Variants in UGT2B28 observed in about 807,000 individuals in gnomAD.
UGT2B28 encodes UDP-glucuronosyltransferase 2B28.
UGT2B28 carries 45 observed loss-of-function variants against 43.6 expected under a neutral mutation model. That is an observed-to-expected ratio of 1.03 (90% CI 0.81 to 1.32). The LOEUF is 1.32. Among genes scored for constraint, UGT2B28 ranks in the 40% most tolerant of loss-of-function variants. The pLI is 0.00. For synonymous variants in UGT2B28, 204 were observed against 208.1 expected, an observed-to-expected ratio of 0.98 and a Z score of 0.17; for missense variants, 649 against 625.5, an observed-to-expected ratio of 1.04 and a Z score of -0.40.
In UGT2B28 at chr4:69,294,750, T is replaced by C. The variant is rs1421683548; in HGVS notation, c.1531T>C (p.Phe511Leu). The C allele has an allele frequency of 6.4e-6, 10 of 1,559,004 alleles. 1 individual carries two copies. Among genetic ancestry groups the C allele is most frequent in the East Asian group, 2.3e-5 (1 of 43,486 alleles). ...AACTGTGATATTTGTCGTCACAAAG[T>C]TTTGTCTGTTTTGTTTCTGGAAGTT... ...VATVIFVVTKFCLFCFWKFAR... is the reference protein window; with the variant it reads ...VATVIFVVTKLCLFCFWKFAR... The change falls in exon 6 of 6, where the codon TTT (phenylalanine) becomes CTT (leucine). Residue 511 changes from phenylalanine to leucine, a missense_variant. Phe to Leu is a conservative substitution (Grantham distance 22, BLOSUM62 0). Coordinates refer to ENST00000335568, the MANE Select transcript of UGT2B28 (RefSeq NM_053039.2).
chr4:69,292,846 A>G (rs1212259222), intron 5 of UGT2B28, among the ~76,000 whole-genome samples: 1 of 140,450 alleles, frequency 7.1e-6, no homozygotes, highest in African/African-American at 2.8e-5. Flanking sequence ...TTACTAAAAT[A>G]TCCTTAATAT....
At chr4:69,284,979 A>T (rs1304386480) in intron 2 of UGT2B28, among the ~76,000 whole-genome samples, 4 of 140,320 alleles carry the variant, frequency 2.9e-5, no homozygotes, top group Non-Finnish European at 6.1e-5. Flanking sequence ...CAAAATTAAC[A>T]TTAGAATTAA....
In UGT2B28 at chr4:69,280,737, A is replaced by C; in HGVS notation, c.237A>C (p.Thr79=). ...CTCTTAAACTCGAAGTTTATCCTAC[A>C]TCTTTAACTAAAACTGAATTTGAGA... ...AFTLKLEVYP[T]SLTKTEFENI... The change falls in exon 1 of 6, where the codon ACA becomes ACC. Residue 79 remains threonine (T), a synonymous_variant. Coordinates refer to ENST00000335568, the MANE Select transcript of UGT2B28 (RefSeq NM_053039.2). 2.6e-6 allele frequency: 4 copies of C among 1,561,920 alleles called. No individual in the cohort carries two copies. Among genetic ancestry groups the C allele is most frequent in the Non-Finnish European group, 2.6e-6 (3 of 1,156,256 alleles).
Position 69,286,773 on chromosome 4 carries a change from A to C in UGT2B28, c.892A>C (p.Ser298Arg). 7 of 1,555,254 alleles carry C rather than the reference A, an allele frequency of 4.5e-6. 1 individual carries two copies. Among genetic ancestry groups the C allele is most frequent in the Non-Finnish European group, 6.1e-6 (7 of 1,154,216 alleles). ...ACAGGAAATGGAGGAATTTGTACAG[A>C]GCTCTGGTGAAAATGGTGTTGTGGT... ...LPKEMEEFVQ[S>R]SGENGVVVFS... Residue 298 changes from serine (S) to arginine (R), a missense_variant, in exon 3 of 6, where the codon AGC becomes CGC. Transcript: ENST00000335568.
At chr4:69,283,018 T>G (rs762456589) in intron 2 of UGT2B28, among the ~76,000 whole-genome samples, 2 of 140,382 alleles carry the variant, frequency 1.4e-5, no homozygotes, top group African/African-American at 2.8e-5. Flanking sequence ...ATAGACAGTT[T>G]CCGTCTGCAC....
intron 2 of UGT2B28, among the ~76,000 whole-genome samples, chr4:69,284,314 A>T: frequency 7.1e-6 from 1 of 140,950 alleles, no homozygotes. Flanking sequence ...GGAACAGAAA[A>T]ATCTCATATA....
At chr4:69,293,329 G>T (rs1273667206) in intron 5 of UGT2B28, among the ~76,000 whole-genome samples, 1 of 140,450 alleles carries the variant, frequency 7.1e-6, no homozygotes, top group Non-Finnish European at 1.5e-5. Context: ...TGAACAGTAG[G>T]TAAATTGGTA....
Position 69,291,058 on chromosome 4 carries a change from A to T in UGT2B28, c.1310+247A>T, listed in dbSNP as rs1193864452. Reference sequence around the variant, plus strand: ...AAATAATTTTAAAATGTCATAGATAATATAAAAAATACATTTCTTAAAATT... The same window carrying T: ...AAATAATTTTAAAATGTCATAGATATTATAAAAAATACATTTCTTAAAATT... On this transcript the variant is annotated intron_variant, in intron 5 of 5. Coordinates refer to ENST00000335568, the MANE Select transcript of UGT2B28 (RefSeq NM_053039.2). 2.1e-5 allele frequency among the ~76,000 whole-genome samples: 3 copies of T among 140,958 alleles called. 1 individual carries two copies. Among genetic ancestry groups the T allele is most frequent in the Non-Finnish European group, 4.6e-5 (3 of 65,904 alleles). The allele number at this position is 140,958 out of a possible 152,430, so 92.5% of individuals were successfully genotyped here. A position where few individuals can be genotyped will look rare whatever the true frequency, so the allele number is the denominator to read the frequency against.
At position 69,283,527 on chromosome 4, in the gene UGT2B28, T is replaced by A. The variant is rs1228976057; in HGVS notation, c.870+865T>A. Among the ~76,000 whole-genome samples, 2 of 140,074 alleles carry A rather than the reference T, an allele frequency of 1.4e-5. 1 individual carries two copies. Among genetic ancestry groups the A allele is most frequent in the African/African-American group, 5.6e-5 (2 of 35,904 alleles). The allele number at this position is 140,074 out of a possible 152,430, so 91.9% of individuals were successfully genotyped here. A position where few individuals can be genotyped will look rare whatever the true frequency, so the allele number is the denominator to read the frequency against. Reference sequence around the variant, plus strand: ...TTCCATGGATTCAGGTAGAAGATGATGGAAAAGTGGACTAGAAAGTTGATA... The same window carrying A: ...TTCCATGGATTCAGGTAGAAGATGAAGGAAAAGTGGACTAGAAAGTTGATA... On this transcript the variant is annotated intron_variant, in intron 2 of 5. Transcript: ENST00000335568.
intron 3 of UGT2B28, among the ~76,000 whole-genome samples, chr4:69,287,280 G>C (rs189420405): frequency 7.1e-6 from 1 of 140,890 alleles, no homozygotes; most frequent in Non-Finnish European, 1.5e-5. Flanking sequence ...TGACTTTCAA[G>C]TGTTTTCAAC....
chr4:69,289,727 G>A lies in UGT2B28; in HGVS notation c.1065G>A (p.Lys355=), dbSNP rs144691311. The A allele has an allele frequency of 2.6e-6, 4 of 1,561,824 alleles. No individual in the cohort carries two copies. Among genetic ancestry groups the A allele is most frequent in the Non-Finnish European group, 2.6e-6 (3 of 1,157,472 alleles). The change falls in exon 4 of 6, where the codon AAG becomes AAA. Residue 355 remains lysine (K), a synonymous_variant. Coordinates refer to ENST00000335568, the MANE Select transcript of UGT2B28 (RefSeq NM_053039.2). ...DALGLNTRLY[K]WIPQNDLLGL... ...TAGGTCTCAATACTCGGCTGTATAAGTGGATACCCCAGAATGACCTTCTAG... is the reference window on the plus strand; with the variant it reads ...TAGGTCTCAATACTCGGCTGTATAAATGGATACCCCAGAATGACCTTCTAG...
rs749946922 is a variant in UGT2B28, at chr4:69,280,694, A to G, written c.194A>G (p.Asp65Gly). Residue 65 changes from aspartate (D) to glycine (G), a missense_variant, in exon 1 of 6, where the codon GAT becomes GGT. Transcript: ENST00000335568. ...GCATCTTCAGCTTCCATTCTTTTTG[A>G]TCCCAATGACGCATTCACTCTTAAA... ...VLASSASILFDPNDAFTLKLE... is the reference protein window; with the variant it reads ...VLASSASILFGPNDAFTLKLE... 2 of 1,560,612 alleles carry G rather than the reference A, an allele frequency of 1.3e-6. No homozygotes were observed. The highest frequency in any genetic ancestry group is 1.7e-6 in the Non-Finnish European group (2 of 1,155,948).
intron 2 of UGT2B28, among the ~76,000 whole-genome samples, chr4:69,283,000 G>GA (rs1272885016): frequency 1.4e-5 from 2 of 139,174 alleles, no homozygotes; most frequent in Admixed American, 7.2e-5. Flanking sequence ...AAATTTCAGA[G>GA]AAAAAAAATA....
chr4:69,284,957 G>A, intron 2 of UGT2B28, among the ~76,000 whole-genome samples: 1 of 139,414 alleles, frequency 7.2e-6, no homozygotes, highest in East Asian at 2.1e-4. Flanking sequence ...TAAACATTAT[G>A]GAAAATATTC....
In UGT2B28 at chr4:69,294,876, A is replaced by T; in HGVS notation, c.*67A>T. The T allele has an allele frequency of 7.1e-7, 1 of 1,413,544 alleles. No individual in the cohort carries two copies. The highest frequency in any genetic ancestry group is 9.2e-7 in the Non-Finnish European group (1 of 1,081,774). 87.6% of individuals were successfully genotyped at this position (1,413,544 alleles called of 1,614,324 possible). A position where few individuals can be genotyped will look rare whatever the true frequency, so the allele number is the denominator to read the frequency against. ...TGACATCAGTTTATTCCAGCAAGAA[A>T]GAAAAGATTGTTATGCAAGATTTCT... On this transcript the variant is annotated 3_prime_UTR_variant, in exon 6 of 6. Transcript: ENST00000335568.
At chr4:69,290,477 T>C in intron 4 of UGT2B28, 115 bp from the exon 5 acceptor site, 1 of 1,341,084 alleles carries the variant, frequency 7.5e-7, no homozygotes, top group African/African-American at 1.7e-5. Flanking sequence ...GTCTGAAAAG[T>C]AATGGCAAAT....
Position 69,280,807 on chromosome 4 carries a change from G to T in UGT2B28, c.307G>T (p.Asp103Tyr), listed in dbSNP as rs1439044960. 6.4e-7 allele frequency: 1 copy of T among 1,567,304 alleles called. No homozygotes were observed. Among genetic ancestry groups the T allele is most frequent in the Non-Finnish European group, 8.6e-7 (1 of 1,158,746 alleles). The change falls in exon 1 of 6, where the codon GAT becomes TAT. Residue 103 changes from aspartate (D) to tyrosine (Y), a missense_variant. Asp to Tyr is a radical substitution (Grantham distance 160, BLOSUM62 -3). Coordinates refer to ENST00000335568, the MANE Select transcript of UGT2B28 (RefSeq NM_053039.2). ...QVKRWSDIQK[D>Y]SFWLYFSQEQ... Reference sequence around the variant, plus strand: ...TAAGAGATGGTCAGACATTCAAAAAGATAGCTTTTGGTTATATTTTTCACA... The same window carrying T: ...TAAGAGATGGTCAGACATTCAAAAATATAGCTTTTGGTTATATTTTTCACA...
chr4:69,285,146 T>A lies in UGT2B28; in HGVS notation c.871-1606T>A, dbSNP rs1308230532. Among the ~76,000 whole-genome samples, 2 of 139,754 alleles carry A rather than the reference T, an allele frequency of 1.4e-5. 1 individual carries two copies. Among genetic ancestry groups the A allele is most frequent in the African/African-American group, 5.6e-5 (2 of 35,746 alleles). 91.7% of individuals were successfully genotyped at this position (139,754 alleles called of 152,430 possible). On this transcript the variant is annotated intron_variant, in intron 2 of 5. Transcript: ENST00000335568. ...TAACAAGATGGAAGTTTTTGCAGGA[T>A]AAAATGTATATACAATAAGATTGAA...
chr4:69,281,105 G>C lies in UGT2B28; in HGVS notation c.605G>C (p.Ser202Thr), dbSNP rs772813538. Residue 202 changes from serine to threonine, a missense_variant, in exon 1 of 6, where the codon AGT (serine) becomes ACT (threonine). Physicochemically the swap from Ser to Thr is moderately conservative, Grantham distance 58. Transcript: ENST00000335568. ...SYIPVVMSKL[S>T]DQMTFMERVK... ...ATACCTGTTGTTATGTCAAAATTAAGTGATCAAATGACTTTCATGGAGAGG... is the reference window on the plus strand; with the variant it reads ...ATACCTGTTGTTATGTCAAAATTAACTGATCAAATGACTTTCATGGAGAGG... 1 of 1,559,398 alleles carries C rather than the reference G, an allele frequency of 6.4e-7. No homozygotes were observed. The highest frequency in any genetic ancestry group is 1.2e-5 in the South Asian group (1 of 84,210).
Sources: gnomAD v4.1 joint callset for allele counts (sites outside exome capture counted in the v4.1 genomes callset) on GRCh38, gnomAD v4.1.1 for gene constraint, MANE v1.5 for transcripts, NCBI Gene and HGNC (gene_info 2026-07-23, HGNC 2026-07-21) for gene names.